KIRREL3: variants seen among roughly 807,000 people sequenced by gnomAD.
The protein encoded by KIRREL3 is kin of IRRE-like protein 3.
A neutral mutation model predicts 89.7 loss-of-function variants in KIRREL3; 36 were observed. That is an observed-to-expected ratio of 0.40 (90% CI 0.31 to 0.53). The LOEUF is 0.53. Among genes scored for constraint, KIRREL3 ranks in the 20% least tolerant of loss-of-function variants. KIRREL3 has a pLI of 0.49. For synonymous variants in KIRREL3, 445 were observed against 441.4 expected, an observed-to-expected ratio of 1.01 and a Z score of -0.10; for missense variants, 864 against 1,056.6, an observed-to-expected ratio of 0.82 and a Z score of 2.53.
chr11:126,793,881 T>C (rs1008011863), intron 1 of KIRREL3, among the ~76,000 whole-genome samples: 29 of 152,132 alleles, frequency 1.9e-4, no homozygotes, highest in African/African-American at 5.1e-4. Context: ...ACATGTTGCT[T>C]CTCTTCATTC....
chr11:126,915,117 T>C (rs980105223), intron 1 of KIRREL3, among the ~76,000 whole-genome samples: 13 of 152,206 alleles, frequency 8.5e-5, no homozygotes, highest in Non-Finnish European at 1.8e-4. Context: ...GCATCTCAAA[T>C]ACTTTGGGTT....
Position 126,530,236 on chromosome 11 carries a change from C to G in KIRREL3, c.134-3549G>C, listed in dbSNP as rs368104167. Among the ~76,000 whole-genome samples the G allele has an allele frequency of 1.3e-5, 2 of 152,082 alleles. No homozygotes were observed. The highest frequency in any genetic ancestry group is 2.9e-5 in the Non-Finnish European group (2 of 68,016). On this transcript the variant is annotated intron_variant, in intron 2 of 16. Transcript: ENST00000525144. The surrounding 1 kb of genome is among the most constrained non-coding windows in gnomAD (Gnocchi z 5.8). ...AGCAGCTGGGATTACAGGTATGCAC[C>G]AGCATGTCCGGCTGATTTTCATATT... is the stretch of plus-strand genomic sequence containing the variant.
rs1021456769 is a variant in KIRREL3 at position 126,558,923 on chromosome 11, G to A, written c.133+3912C>T. On this transcript the variant is annotated intron_variant, in intron 2 of 16. Coordinates refer to ENST00000525144, the MANE Select transcript of KIRREL3 (RefSeq NM_032531.4). This position sits in a 1 kb window ranked among gnomAD's most constrained non-coding sequence, Gnocchi z 4.0. Reference sequence around the variant, plus strand: ...ATGCATGCAGGTGTGTGCATTGTGTGTGTATGTGTGTGTGCATGCTCATGT... The same window carrying A: ...ATGCATGCAGGTGTGTGCATTGTGTATGTATGTGTGTGTGCATGCTCATGT... Among the ~76,000 whole-genome samples, 1 of 152,164 alleles carries A rather than the reference G, an allele frequency of 6.6e-6. No homozygotes were observed. The highest frequency in any genetic ancestry group is 2.4e-5 in the African/African-American group (1 of 41,432).
intron 1 of KIRREL3, among the ~76,000 whole-genome samples, chr11:126,824,989 C>T (rs1323124433): frequency 6.6e-6 from 1 of 152,150 alleles, no homozygotes; most frequent in African/African-American, 2.4e-5. Flanking sequence ...TTGTAGTTAT[C>T]TTATTTAGGA....
At chr11:126,517,342 A>C (rs1290645402) in intron 4 of KIRREL3, among the ~76,000 whole-genome samples, 1 of 152,218 alleles carries the variant, frequency 6.6e-6, no homozygotes, top group Non-Finnish European at 1.5e-5. Flanking sequence ...TCACCCAGTT[A>C]GTGAGCAGCA....
chr11:126,627,219 G>C lies in KIRREL3; in HGVS notation c.56-64307C>G, dbSNP rs1943828693. Among the ~76,000 whole-genome samples, 1 of 152,184 alleles carries C rather than the reference G, an allele frequency of 6.6e-6. No homozygotes were observed. Among genetic ancestry groups the C allele is most frequent in the African/African-American group, 2.4e-5 (1 of 41,446 alleles). On this transcript the variant is annotated intron_variant, in intron 1 of 16. Coordinates refer to ENST00000525144, the MANE Select transcript of KIRREL3 (RefSeq NM_032531.4). This position sits in a 1 kb window ranked among gnomAD's most constrained non-coding sequence, Gnocchi z 5.0. ...TCAGACTGAGGAACTGAAAGAGCCA[G>C]GGCACAGAGTGTGAAAGGGACCTAT...
intron 1 of KIRREL3, among the ~76,000 whole-genome samples, chr11:126,725,871 T>A (rs1948360656): frequency 6.6e-6 from 1 of 152,226 alleles, no homozygotes. Context: ...GAGTCTCAGT[T>A]TCCTTATCTG....
chr11:126,963,303 A>G (rs1296780841), intron 1 of KIRREL3, among the ~76,000 whole-genome samples: 1 of 63,732 alleles, frequency 1.6e-5, no homozygotes, highest in Non-Finnish European at 3.0e-5. Flanking sequence ...ACCAAACAGA[A>G]CACACATACA....
At chr11:126,735,353 T>C (rs1008612567) in intron 1 of KIRREL3, among the ~76,000 whole-genome samples, 2 of 152,090 alleles carry the variant, frequency 1.3e-5, no homozygotes, top group Non-Finnish European at 2.9e-5. Flanking sequence ...ATCTCTGGGA[T>C]CCTAGAACAA....
chr11:126,751,726 G>A (rs1471126747), intron 1 of KIRREL3, among the ~76,000 whole-genome samples: 1 of 152,028 alleles, frequency 6.6e-6, no homozygotes, highest in Non-Finnish European at 1.5e-5. Flanking sequence ...TCTGAATATG[G>A]GAAGGGAAAA....
At chr11:126,863,461 G>T (rs1308496057) in intron 1 of KIRREL3, among the ~76,000 whole-genome samples, 1 of 49,696 alleles carries the variant, frequency 2.0e-5, no homozygotes, top group East Asian at 7.0e-3. Flanking sequence ...GTGTTTGAGT[G>T]CGTGTGTGTG....
At chr11:126,923,183 TCTTCTC>T (rs1565423103) in intron 1 of KIRREL3, among the ~76,000 whole-genome samples, 644 of 28,562 alleles carry the variant, frequency 0.023, 162 homozygotes, top group East Asian at 0.063. Context: ...CTTCTCTTCT[TCTTCTC>T]TTCTTCTTCT....
chr11:126,467,132 G>A (rs997018822), intron 5 of KIRREL3, among the ~76,000 whole-genome samples: 1 of 152,246 alleles, frequency 6.6e-6, no homozygotes, highest in African/African-American at 2.4e-5. Context: ...GCGCGTACCT[G>A]TTTTTGTCTT....
chr11:126,854,126 TTGTGTGTGTGTGTG>T (rs375873911), intron 1 of KIRREL3, among the ~76,000 whole-genome samples: 3 of 144,016 alleles, frequency 2.1e-5, no homozygotes, highest in Non-Finnish European at 4.5e-5. Context: ...AATAAGTTTC[TTGTGTGTGTGTGTG>T]TGTGTGTGTG....
chr11:126,424,275 G>A lies in KIRREL3; in HGVS notation c.*305C>T, dbSNP rs1954840508. ...GTTATAGCTGCCACTTGTGCCTGTG[G>A]GCAGAGCAGGTGGTAGAGGGGCCTC... On this transcript the variant is annotated 3_prime_UTR_variant, in exon 17 of 17. Transcript: ENST00000525144. 1 of 465,854 alleles carries A rather than the reference G, an allele frequency of 2.1e-6. No individual in the cohort carries two copies. Among genetic ancestry groups the A allele is most frequent in the Non-Finnish European group, 3.9e-6 (1 of 254,690 alleles). 28.9% of individuals were successfully genotyped at this position (465,854 alleles called of 1,614,324 possible). A position where few individuals can be genotyped will look rare whatever the true frequency, so the allele number is the denominator to read the frequency against.
At position 126,608,442 on chromosome 11, in the gene KIRREL3, G is replaced by C. The variant is rs674875; in HGVS notation, c.56-45530C>G. Among the ~76,000 whole-genome samples, 146,578 of 152,276 alleles carry C rather than the reference G, an allele frequency of 0.96. 70,703 individuals are homozygous for C. Among genetic ancestry groups the C allele is most frequent in the East Asian group, 1 (5,174 of 5,174 alleles). ...ATTCACTAACCTTGCTTTTCCACCA[G>C]GTTTAGCCCCTGGTGCCCTTCCTCT... On this transcript the variant is annotated intron_variant, in intron 1 of 16. Transcript: ENST00000525144. The surrounding 1 kb of genome is among the most constrained non-coding windows in gnomAD (Gnocchi z 4.9).
intron 1 of KIRREL3, among the ~76,000 whole-genome samples, chr11:126,727,126 C>T (rs1397549387): frequency 1.3e-5 from 2 of 152,210 alleles, no homozygotes; most frequent in Non-Finnish European, 2.9e-5. Context: ...GGAGCCTGGT[C>T]CATAAAAACC....
chr11:126,456,517 G>T (rs1355269825), intron 6 of KIRREL3, 63 bp from the exon 7 acceptor site: 3 of 1,099,688 alleles, frequency 2.7e-6, no homozygotes, highest in African/African-American at 3.1e-5. Flanking sequence ...GATCCTGGGC[G>T]ACATGGAGGA....
chr11:126,437,760 T>C (rs1955413096), intron 11 of KIRREL3, among the ~76,000 whole-genome samples: 1 of 151,978 alleles, frequency 6.6e-6, no homozygotes, highest in African/African-American at 2.4e-5. Flanking sequence ...ACGCACCATA[T>C]GCCACAATAC....
Sources: gnomAD v4.1 joint callset for allele counts (sites outside exome capture counted in the v4.1 genomes callset) on GRCh38, gnomAD v4.1.1 for gene constraint, Gnocchi (gnomAD v3.1) non-coding constraint, MANE v1.5 for transcripts, NCBI Gene and HGNC (gene_info 2026-07-23, HGNC 2026-07-21) for gene names.